The following CELF2 variants were observed in gnomAD, a reference collection of about 807,000 sequenced individuals.
CELF2 encodes the protein CUGBP Elav-like family member 2.
CELF2 carries 8 observed loss-of-function variants against 62.6 expected under a neutral mutation model. That is an observed-to-expected ratio of 0.13 (90% CI 0.07 to 0.23). The LOEUF (loss-of-function observed/expected upper bound fraction) is 0.23, where lower values mean the gene tolerates loss of function less well. Among genes scored for constraint, CELF2 ranks in the 10% least tolerant of loss-of-function variants. The probability of loss-of-function intolerance (pLI) is 1.00; values close to 1 mark genes in which losing one functional copy is unlikely to be tolerated. For missense variants in CELF2, 333 were observed against 671.0 expected (o/e 0.50, Z 5.56); for synonymous variants, 258 against 250.0 (o/e 1.03, Z -0.30).
intron 9 of CELF2, among the ~76,000 whole-genome samples, chr10:11,299,005 A>G (rs1358363607): frequency 6.6e-6 from 1 of 152,392 alleles, no homozygotes; most frequent in East Asian, 1.9e-4. Flanking sequence ...GGATGTAAAT[A>G]CAGGGAGAAG....
intron 2 of CELF2, among the ~76,000 whole-genome samples, chr10:10,937,933 G>A (rs2046608195): frequency 1.3e-5 from 2 of 152,176 alleles, no homozygotes; most frequent in South Asian, 4.1e-4. Flanking sequence ...CTGCACAGGT[G>A]TTAAAATTGT....
chr10:10,880,708 CCT>C (rs901135019), intron 1 of CELF2, among the ~76,000 whole-genome samples: 7 of 152,186 alleles, frequency 4.6e-5, no homozygotes, highest in African/African-American at 1.7e-4. Flanking sequence ...GTAGAATAAG[CCT>C]CTCTGTTTAG....
chr10:10,732,934 A>G, the CELF2 span, among the ~76,000 whole-genome samples: 7 of 152,330 alleles, frequency 4.6e-5, no homozygotes, highest in African/African-American at 1.7e-4. Flanking sequence ...GAAACTCCCC[A>G]GGAAGAAAAA....
chr10:10,824,853 C>G (rs958346161), intron 1 of CELF2, among the ~76,000 whole-genome samples: 1 of 152,178 alleles, frequency 6.6e-6, no homozygotes, highest in African/African-American at 2.4e-5. Flanking sequence ...CTCCAGCACT[C>G]ATCGACACCT....
Position 11,328,814 on chromosome 10 carries a change from TG to T in CELF2, c.1439-108del. ...GTTCCGCAGAGCTGTGCTGGGCCCG[TG>T]GGGCTGGCACCTCATGCTGGCTCTT... On this transcript the variant is annotated intron_variant, in intron 12 of 12. Coordinates refer to ENST00000633077, the MANE Select transcript of CELF2 (RefSeq NM_001326342.2). This position sits in a 1 kb window ranked among gnomAD's most constrained non-coding sequence, Gnocchi z 6.4. 1 of 1,269,422 alleles carries T rather than the reference TG, an allele frequency of 7.9e-7. No individual in the cohort carries two copies. Among genetic ancestry groups the T allele is most frequent in the Non-Finnish European group, 1.1e-6 (1 of 921,538 alleles). 78.6% of individuals were successfully genotyped at this position (1,269,422 alleles called of 1,614,324 possible).
chr10:11,204,978 G>A (rs1048202665), intron 2 of CELF2, among the ~76,000 whole-genome samples: 16 of 151,866 alleles, frequency 1.1e-4, no homozygotes, highest in African/African-American at 3.9e-4. Context: ...ACTGTTTTAG[G>A]GATTTTTTGC....
At chr10:10,550,266 C>A in the CELF2 span, among the ~76,000 whole-genome samples, 1 of 152,166 alleles carries the variant, frequency 6.6e-6, no homozygotes, top group Non-Finnish European at 1.5e-5. Context: ...AGTGGATCAT[C>A]ATAAAGGTCT....
At chr10:11,274,627 C>T (rs975887760) in intron 7 of CELF2, among the ~76,000 whole-genome samples, 11 of 152,016 alleles carry the variant, frequency 7.2e-5, no homozygotes, top group African/African-American at 2.7e-4. Flanking sequence ...TATGTTGGCA[C>T]CAGAGTCAGT....
chr10:10,466,063 C>A, the CELF2 span, among the ~76,000 whole-genome samples: 1 of 152,076 alleles, frequency 6.6e-6, no homozygotes, highest in Non-Finnish European at 1.5e-5. Context: ...CCTGAAACAA[C>A]GTTGCATAAT....
chr10:10,882,915 G>A (rs140335428), intron 1 of CELF2, among the ~76,000 whole-genome samples: 437 of 152,250 alleles, frequency 2.9e-3, no homozygotes, highest in Middle Eastern at 0.01. Context: ...ATCTTGTCAT[G>A]ACTAAATAGT....
the CELF2 span, among the ~76,000 whole-genome samples, chr10:10,479,582 A>G: frequency 6.6e-6 from 1 of 152,200 alleles, no homozygotes; most frequent in Admixed American, 6.5e-5. Context: ...ATTCTCACCA[A>G]TGAAATCAGG....
chr10:10,619,052 G>A, the CELF2 span, among the ~76,000 whole-genome samples: 4 of 152,168 alleles, frequency 2.6e-5, no homozygotes, highest in Admixed American at 6.5e-5. Flanking sequence ...CTGCACACGT[G>A]GCAACAAAGA....
At chr10:11,193,987 C>T (rs888285188) in intron 2 of CELF2, among the ~76,000 whole-genome samples, 7 of 152,136 alleles carry the variant, frequency 4.6e-5, no homozygotes, top group Non-Finnish European at 1.0e-4. Context: ...AAGGACAAGA[C>T]TTACAGTGTT....
the CELF2 span, among the ~76,000 whole-genome samples, chr10:10,752,704 A>AAAAG: frequency 1.1e-4 from 16 of 144,960 alleles, 1 homozygote; most frequent in African/African-American, 1.5e-4. Context: ...AAAAAAAAAA[A>AAAAG]AAAGAAAGAA....
At chr10:11,252,124 C>T (rs1410258110) in intron 4 of CELF2, among the ~76,000 whole-genome samples, 1 of 152,194 alleles carries the variant, frequency 6.6e-6, no homozygotes, top group African/African-American at 2.4e-5. Flanking sequence ...CAGACATGAA[C>T]AGCTTCGAGG....
intron 1 of CELF2, among the ~76,000 whole-genome samples, chr10:10,836,355 A>G (rs2058285971): frequency 6.6e-6 from 1 of 152,164 alleles, no homozygotes; most frequent in African/African-American, 2.4e-5. Flanking sequence ...CTGATAGAAA[A>G]CTTTGTTTCA....
intron 1 of CELF2, among the ~76,000 whole-genome samples, chr10:10,842,329 T>G (rs2058735384): frequency 1.3e-5 from 2 of 152,082 alleles, no homozygotes; most frequent in Admixed American, 6.5e-5. Context: ...AGTATGATGC[T>G]GAATCAGAGT....
chr10:10,541,036 G>A, the CELF2 span, among the ~76,000 whole-genome samples: 1 of 151,908 alleles, frequency 6.6e-6, no homozygotes, highest in African/African-American at 2.4e-5. Flanking sequence ...GAGGTCAGGA[G>A]ATCGAGACCA....
intron 1 of CELF2, among the ~76,000 whole-genome samples, chr10:11,143,795 G>T (rs1306246474): frequency 6.6e-6 from 1 of 152,146 alleles, no homozygotes; most frequent in African/African-American, 2.4e-5. Context: ...ACATATATTT[G>T]CATTTATTCT....
Sources: allele counts gnomAD v4.1 joint callset (sites outside exome capture counted in the v4.1 genomes callset), GRCh38; gene constraint gnomAD v4.1.1; non-coding constraint Gnocchi (gnomAD v3.1); transcripts MANE v1.5; gene names NCBI Gene and HGNC (gene_info 2026-07-23, HGNC 2026-07-21).